Variants in GSE1 observed in about 807,000 individuals in gnomAD.
GSE1 encodes genetic suppressor element 1.
A neutral mutation model predicts 112.6 loss-of-function variants in GSE1; 32 were observed. The observed-to-expected ratio is 0.28, with a 90% CI of 0.21 to 0.38. The LOEUF (loss-of-function observed/expected upper bound fraction) is 0.38, where lower values mean the gene tolerates loss of function less well. Ranked by LOEUF, GSE1 falls within the 10% of genes least tolerant of loss-of-function variation. The pLI is 1.00. For synonymous variants in GSE1, 1,115 were observed against 735.6 expected, an observed-to-expected ratio of 1.52 and a Z score of -8.35; for missense variants, 2,348 against 1,699.2, an observed-to-expected ratio of 1.38 and a Z score of -6.71.
chr16:85,243,530 T>C (rs1029993289), intron 1 of GSE1, among the ~76,000 whole-genome samples: 1 of 152,222 alleles, frequency 6.6e-6, no homozygotes, highest in Admixed American at 6.5e-5. Flanking sequence ...GCCTTGCACA[T>C]GCCCTCCTGG....
chr16:85,581,200 G>T (rs1212352666), intron 1 of GSE1, among the ~76,000 whole-genome samples: 1 of 152,210 alleles, frequency 6.6e-6, no homozygotes, highest in Admixed American at 6.5e-5. Flanking sequence ...CTTCAGAAGG[G>T]AGCTTCAGTG....
chr16:85,171,252 T>A (rs527517261), exon 1 of GSE1: 1 of 985,638 alleles, frequency 1.0e-6, no homozygotes, highest in East Asian at 1.1e-4. Context: ...CCTCCGACCC[T>A]GCCCTCTCCG....
At position 85,478,924 on chromosome 16, in the gene GSE1, TTTC is replaced by T. The variant is rs1567520906; in HGVS notation, c.2464+121283_2464+121285del. On this transcript the variant is annotated intron_variant, in intron 2 of 2. Transcript: ENST00000637419. ...CTTTCTTTCTTTCTTTCTTTCTTTC[TTTC>T]TCTTTCTTTCTTTCTTTCTTTTTTT... Among the ~76,000 whole-genome samples, 206 of 50,920 alleles carry T rather than the reference TTTC, an allele frequency of 4.0e-3. 13 individuals carry two copies. Among genetic ancestry groups the T allele is most frequent in the Non-Finnish European group, 4.5e-3 (123 of 27,272 alleles). The allele number at this position is 50,920 out of a possible 152,430, so 33.4% of individuals were successfully genotyped here.
At chr16:85,617,844 G>A (rs750549386) in intron 1 of GSE1, among the ~76,000 whole-genome samples, 11 of 152,080 alleles carry the variant, frequency 7.2e-5, no homozygotes, top group East Asian at 1.9e-4. Context: ...GCCAGAGACC[G>A]CCTTGCTTGC....
chr16:85,474,281 C>G (rs1486616907), intron 2 of GSE1, among the ~76,000 whole-genome samples: 1 of 152,074 alleles, frequency 6.6e-6, no homozygotes, highest in Non-Finnish European at 1.5e-5. Flanking sequence ...CCCGCCGGCC[C>G]GTGCTCCAAT....
At chr16:85,501,800 G>C (rs900485558) in intron 2 of GSE1, among the ~76,000 whole-genome samples, 1 of 152,260 alleles carries the variant, frequency 6.6e-6, no homozygotes, top group Non-Finnish European at 1.5e-5. Context: ...CCCCTTGGCT[G>C]TGTGGCTTTA....
At chr16:85,248,972 A>G (rs1006692819) in intron 1 of GSE1, among the ~76,000 whole-genome samples, 1 of 152,184 alleles carries the variant, frequency 6.6e-6, no homozygotes, top group Non-Finnish European at 1.5e-5. Flanking sequence ...GAGTCCCCCA[A>G]GAGTGAGGAA....
chr16:85,229,309 G>A (rs1366282034), intron 1 of GSE1, among the ~76,000 whole-genome samples: 1 of 152,218 alleles, frequency 6.6e-6, no homozygotes, highest in Non-Finnish European at 1.5e-5. Flanking sequence ...TTGGCAGGGC[G>A]GACACGGTGA....
intron 2 of GSE1, among the ~76,000 whole-genome samples, chr16:85,425,925 C>T (rs1406584577): frequency 1.3e-5 from 2 of 152,216 alleles, no homozygotes; most frequent in Non-Finnish European, 2.9e-5. Flanking sequence ...TTCCTGCCCA[C>T]AGTTGTTCAG....
chr16:85,421,392 C>G (rs369065372), intron 2 of GSE1, among the ~76,000 whole-genome samples: 4 of 152,188 alleles, frequency 2.6e-5, no homozygotes, highest in East Asian at 1.9e-4. Context: ...GGAGATGCAC[C>G]CCAGAAAAGA....
At chr16:85,276,404 G>A (rs1909366089) in intron 1 of GSE1, among the ~76,000 whole-genome samples, 1 of 152,220 alleles carries the variant, frequency 6.6e-6, no homozygotes, top group African/African-American at 2.4e-5. Flanking sequence ...TTACAGCTTG[G>A]CCAGGTCAGC....
At chr16:85,201,546 G>A (rs1346486705) in intron 1 of GSE1, among the ~76,000 whole-genome samples, 1 of 151,852 alleles carries the variant, frequency 6.6e-6, no homozygotes, top group Non-Finnish European at 1.5e-5. Context: ...CAGCTACTCG[G>A]GAGGCTAAGG....
chr16:85,500,392 C>G (rs1469016988), intron 2 of GSE1, among the ~76,000 whole-genome samples: 1 of 152,142 alleles, frequency 6.6e-6, no homozygotes, highest in African/African-American at 2.4e-5. Context: ...GGGAAGTGCA[C>G]CAGTAATTGG....
chr16:85,653,859 C>G (rs747411042), intron 3 of GSE1, among the ~76,000 whole-genome samples: 1 of 152,218 alleles, frequency 6.6e-6, no homozygotes, highest in Non-Finnish European at 1.5e-5. Context: ...GTGGCACTCG[C>G]TTCACGGCGT....
In GSE1 at chr16:85,661,516, C is replaced by T. The variant is rs773834040; in HGVS notation, c.2011C>T (p.Pro671Ser). ...SLEHQPFLPG[P>S]GPFLAELEKS... is the part of the protein sequence containing the mutation. The stretch of plus-strand genomic sequence containing the variant: ...GGAGCACCAGCCCTTCCTGCCCGGG[C>T]CCGGGCCCTTCCTGGCTGAGCTCGA... The change falls in exon 9 of 16, where the codon CCC becomes TCC. Residue 671 changes from proline (P) to serine (S), a missense_variant. Physicochemically the swap from Pro to Ser is moderately conservative, Grantham distance 74 (BLOSUM62 -1). Transcript: ENST00000253458. 8 of 1,612,122 alleles carry T rather than the reference C, an allele frequency of 5.0e-6. No homozygotes were observed. Among genetic ancestry groups the T allele is most frequent in the South Asian group, 1.1e-5 (1 of 91,058 alleles).
chr16:85,394,589 A>T (rs1259882257), intron 2 of GSE1, among the ~76,000 whole-genome samples: 3 of 152,040 alleles, frequency 2.0e-5, no homozygotes, highest in Non-Finnish European at 4.4e-5. Context: ...CCCCGCGCAC[A>T]CACACACGCA....
chr16:85,291,172 C>T lies in GSE1; in HGVS notation c.2284-66291C>T, dbSNP rs2045199463. 2.0e-5 allele frequency among the ~76,000 whole-genome samples: 3 copies of T among 152,172 alleles called. No homozygotes were observed. The South Asian group carries it at 6.2e-4, about 32-fold the overall frequency. ...AACTGAGGCATGTAGTGGGTATGTC[C>T]CTCACCCAGGGTCTCTCAGCAGAGC... On this transcript the variant is annotated intron_variant, in intron 1 of 2. Transcript: ENST00000637419.
intron 1 of GSE1, among the ~76,000 whole-genome samples, chr16:85,206,132 G>T (rs1299175903): frequency 2.4e-4 from 37 of 151,462 alleles, no homozygotes; most frequent in Non-Finnish European, 8.8e-5. Context: ...GCTGATCCCA[G>T]TTCTGAACGA....
intron 2 of GSE1, among the ~76,000 whole-genome samples, chr16:85,460,095 T>C (rs1345661358): frequency 6.6e-6 from 1 of 152,214 alleles, no homozygotes; most frequent in Non-Finnish European, 1.5e-5. Flanking sequence ...AAGGACACGA[T>C]GTCCTGGGGG....
Sources: allele counts gnomAD v4.1 joint callset (sites outside exome capture counted in the v4.1 genomes callset), GRCh38; gene constraint gnomAD v4.1.1; transcripts MANE v1.5; gene names NCBI Gene and HGNC (gene_info 2026-07-23, HGNC 2026-07-21).